The following NCOA6 variants were observed in gnomAD, a reference collection of about 807,000 sequenced individuals.
NCOA6 encodes nuclear receptor coactivator 6.
NCOA6 carries 49 observed loss-of-function variants against 171.4 expected under a neutral mutation model. The ratio of observed to expected loss-of-function variants is 0.29; its 90% CI spans 0.23 to 0.36. The LOEUF is 0.36. Ranked by LOEUF, NCOA6 falls within the 10% of genes least tolerant of loss-of-function variation. The pLI is 1.00. For missense variants in NCOA6, 2,248 were observed against 2,554.5 expected (o/e 0.88, Z 2.59); for synonymous variants, 910 against 927.5 (o/e 0.98, Z 0.34).
chr20:34,808,620 T>G (rs1206285825), intron 1 of NCOA6, among the ~76,000 whole-genome samples: 1 of 152,102 alleles, frequency 6.6e-6, no homozygotes, highest in Non-Finnish European at 1.5e-5. Context: ...GTATTTTTAG[T>G]AGAGACAGGG....
intron 5 of NCOA6, among the ~76,000 whole-genome samples, chr20:34,765,170 T>C (rs1469899575): frequency 2.0e-5 from 3 of 146,834 alleles, no homozygotes; most frequent in African/African-American, 7.6e-5. Context: ...AACAGGTTTT[T>C]GGCTGGGCGC....
intron 4 of NCOA6, among the ~76,000 whole-genome samples, chr20:34,774,941 T>C (rs951648811): frequency 6.6e-6 from 1 of 152,222 alleles, no homozygotes; most frequent in African/African-American, 2.4e-5. Flanking sequence ...AAACAAACTT[T>C]TGTGAGAGCA....
At chr20:34,715,410 C>T (rs1177935448) in intron 14 of NCOA6, 45 bp from the exon 15 acceptor site, 3 of 1,419,032 alleles carry the variant, frequency 2.1e-6, no homozygotes, top group South Asian at 1.1e-5. Context: ...TAACTCTTTA[C>T]AGCAGTGCCC....
intron 3 of NCOA6, 109 bp from the exon 4 acceptor site, chr20:34,776,557 G>A (rs2077329120): frequency 1.6e-6 from 2 of 1,252,360 alleles, no homozygotes; most frequent in African/African-American, 1.5e-5. Context: ...GCACCAGCTT[G>A]GAATAGCTAA....
At chr20:34,761,722 C>A (rs2076824505) in intron 5 of NCOA6, among the ~76,000 whole-genome samples, 1 of 152,002 alleles carries the variant, frequency 6.6e-6, no homozygotes, top group Non-Finnish European at 1.5e-5. Context: ...GTGGCGCAAT[C>A]TTGACTCACC....
intron 1 of NCOA6, among the ~76,000 whole-genome samples, chr20:34,818,794 T>C (rs2078919176): frequency 6.6e-6 from 1 of 152,200 alleles, no homozygotes. Flanking sequence ...CTAGCCAGTT[T>C]CCAGAATACA....
At chr20:34,818,972 G>A (rs553287392) in intron 1 of NCOA6, among the ~76,000 whole-genome samples, 1 of 152,258 alleles carries the variant, frequency 6.6e-6, no homozygotes, top group East Asian at 1.9e-4. Context: ...TTCTAATACA[G>A]TACTTAATAC....
At chr20:34,774,722 C>T (rs1051087183) in intron 4 of NCOA6, among the ~76,000 whole-genome samples, 5 of 152,202 alleles carry the variant, frequency 3.3e-5, no homozygotes, top group African/African-American at 9.7e-5. Context: ...GTTCACTGAG[C>T]TTCCAAAGAG....
At chr20:34,803,992 C>A (rs569996386) in intron 1 of NCOA6, among the ~76,000 whole-genome samples, 75 of 141,378 alleles carry the variant, frequency 5.3e-4, no homozygotes, top group South Asian at 3.2e-3. Context: ...AAAAAAAAAA[C>A]AAAAAACCGT....
intron 8 of NCOA6, among the ~76,000 whole-genome samples, chr20:34,753,734 T>G (rs1484831166): frequency 6.6e-6 from 1 of 152,012 alleles, no homozygotes; most frequent in Non-Finnish European, 1.5e-5. Context: ...CATTAGCAGA[T>G]AGAGAAATTC....
At chr20:34,751,358 C>A (rs1473624069) in intron 8 of NCOA6, among the ~76,000 whole-genome samples, 2 of 70,830 alleles carry the variant, frequency 2.8e-5, no homozygotes, top group Non-Finnish European at 2.8e-5. Flanking sequence ...GCCTGGGCGA[C>A]AGAGCAAGAC....
At position 34,749,259 on chromosome 20, in the gene NCOA6, G is replaced by A. The variant is rs946330056; in HGVS notation, c.2792+144C>T. 12 of 1,057,146 alleles carry A rather than the reference G, an allele frequency of 1.1e-5. No homozygotes were observed. The South Asian group carries it at 2.0e-4, about 18-fold the overall frequency. 65.5% of individuals were successfully genotyped at this position (1,057,146 alleles called of 1,614,324 possible). A position where few individuals can be genotyped will look rare whatever the true frequency, so the allele number is the denominator to read the frequency against. On this transcript the variant is annotated intron_variant, in intron 9 of 14. Coordinates refer to ENST00000359003, the MANE Select transcript of NCOA6 (RefSeq NM_014071.5). ...TGGAAGAGAGTACAGATGAAGGCAA[G>A]ACAGACTATGAGTTGATAATTATTG...
At chr20:34,787,841 C>T (rs2077733693) in intron 2 of NCOA6, among the ~76,000 whole-genome samples, 1 of 151,772 alleles carries the variant, frequency 6.6e-6, no homozygotes, top group Non-Finnish European at 1.5e-5. Flanking sequence ...CAGCTCAGAG[C>T]AGTTTTGCAA....
chr20:34,803,477 G>C (rs1330590027), intron 1 of NCOA6, among the ~76,000 whole-genome samples: 10 of 127,512 alleles, frequency 7.8e-5, no homozygotes, highest in Non-Finnish European at 1.4e-4. Context: ...AAAAAAAAAA[G>C]AAAAAAAAAA....
chr20:34,738,303 C>T (rs148460629), intron 11 of NCOA6, among the ~76,000 whole-genome samples: 1 of 152,194 alleles, frequency 6.6e-6, no homozygotes, highest in Non-Finnish European at 1.5e-5. Context: ...AAATTGAGAA[C>T]TTTTCCCAAG....
intron 1 of NCOA6, among the ~76,000 whole-genome samples, chr20:34,818,668 G>A (rs1324259019): frequency 2.0e-5 from 3 of 152,058 alleles, no homozygotes; most frequent in Non-Finnish European, 4.4e-5. Context: ...TGGCAGCTTC[G>A]TTCACAGACC....
chr20:34,817,270 G>A (rs983934107), intron 1 of NCOA6, among the ~76,000 whole-genome samples: 2 of 151,580 alleles, frequency 1.3e-5, no homozygotes, highest in African/African-American at 4.9e-5. Flanking sequence ...GAGGGGGAGG[G>A]GTTGCAGCTG....
chr20:34,720,264 T>C (rs1600718053), intron 14 of NCOA6, among the ~76,000 whole-genome samples: 1 of 152,226 alleles, frequency 6.6e-6, no homozygotes, highest in African/African-American at 2.4e-5. Context: ...AACTACTCAT[T>C]TGCATGTTTG....
At chr20:34,817,785 G>A (rs2078891532) in intron 1 of NCOA6, among the ~76,000 whole-genome samples, 1 of 152,172 alleles carries the variant, frequency 6.6e-6, no homozygotes, top group East Asian at 1.9e-4. Context: ...TGAGAAGTAA[G>A]AGAGTAAACT....
Sources: gnomAD v4.1 joint callset for allele counts (sites outside exome capture counted in the v4.1 genomes callset) on GRCh38, gnomAD v4.1.1 for gene constraint, MANE v1.5 for transcripts, NCBI Gene and HGNC (gene_info 2026-07-23, HGNC 2026-07-21) for gene names.